Variants in RAD51 observed in about 807,000 individuals in gnomAD.
RAD51 encodes DNA repair protein RAD51 homolog 1.
In RAD51, 14 loss-of-function variants were observed where a neutral mutation model predicts 41.5. The ratio of observed to expected loss-of-function variants is 0.34; its 90% CI spans 0.22 to 0.53. The LOEUF is 0.53. RAD51 is among the 20% of genes least tolerant of loss of function. RAD51 has a pLI of 0.95. For synonymous variants in RAD51, 136 were observed against 148.6 expected, an observed-to-expected ratio of 0.92 and a Z score of 0.62; for missense variants, 234 against 422.0, an observed-to-expected ratio of 0.55 and a Z score of 3.90.
Position 40,731,216 on chromosome 15 carries a change from T to C in RAD51, c.*38T>C. On this transcript the variant is annotated 3_prime_UTR_variant, in exon 10 of 10. Coordinates refer to ENST00000267868, the MANE Select transcript of RAD51 (RefSeq NM_002875.5). The stretch of plus-strand genomic sequence containing the variant: ...TTCCTCTGTTAAAAACCTTAAGTGC[T>C]GCAGCCTAATGAGAGTGCACTGCTC... 1 of 1,613,384 alleles carries C rather than the reference T, an allele frequency of 6.2e-7. No homozygotes were observed. Among genetic ancestry groups the C allele is most frequent in the Non-Finnish European group, 8.5e-7 (1 of 1,179,544 alleles).
chr15:40,706,124 C>G (rs1895321519), intron 3 of RAD51, 53 bp from the exon 4 acceptor site: 1 of 1,365,048 alleles, frequency 7.3e-7, no homozygotes, highest in Non-Finnish European at 1.0e-6. Flanking sequence ...CCATCAAGAT[C>G]ACTGTGGTAA....
At chr15:40,699,991 C>T (rs1163842261) in intron 2 of RAD51, among the ~76,000 whole-genome samples, 1 of 152,038 alleles carries the variant, frequency 6.6e-6, no homozygotes, top group African/African-American at 2.4e-5. Flanking sequence ...AAAAAAAAGA[C>T]TCTAGAAGTT....
intron 5 of RAD51, among the ~76,000 whole-genome samples, chr15:40,716,763 C>T (rs1484660723): frequency 6.7e-6 from 1 of 150,144 alleles, no homozygotes; most frequent in Non-Finnish European, 1.5e-5. Context: ...CAGGTTCACG[C>T]CATTCTCCTG....
intron 3 of RAD51, among the ~76,000 whole-genome samples, chr15:40,704,029 G>C (rs961178856): frequency 8.6e-5 from 13 of 151,212 alleles, no homozygotes; most frequent in Non-Finnish European, 4.4e-5. Flanking sequence ...CAGCCTCCCA[G>C]GTAACTAGGA....
intron 3 of RAD51, among the ~76,000 whole-genome samples, chr15:40,702,902 C>T (rs1368984465): frequency 6.6e-6 from 1 of 151,820 alleles, no homozygotes; most frequent in Non-Finnish European, 1.5e-5. Flanking sequence ...AAGCTCACTG[C>T]AGCTTCAGCT....
chr15:40,711,431 G>T (rs1045136258), intron 5 of RAD51, among the ~76,000 whole-genome samples: 1 of 152,092 alleles, frequency 6.6e-6, no homozygotes, highest in Non-Finnish European at 1.5e-5. Context: ...GGCAGTGTTT[G>T]GCTCTCAGTA....
chr15:40,729,705 G>A, intron 8 of RAD51, 71 bp downstream of exon 8: 1 of 1,611,562 alleles, frequency 6.2e-7, no homozygotes, highest in East Asian at 2.2e-5. Flanking sequence ...TTGCTAGGAG[G>A]CTAAGACATC....
rs1596030327 is a variant in RAD51, at chr15:40,731,246, G to A, written c.*68G>A. ...CCTAATGAGAGTGCACTGCTCCCTG[G>A]GGTTCTCTACAGGCCTCTTCCTGTT... On this transcript the variant is annotated 3_prime_UTR_variant, in exon 10 of 10. Transcript: ENST00000267868. 6.2e-7 allele frequency: 1 copy of A among 1,602,910 alleles called. No individual in the cohort carries two copies. The highest frequency in any genetic ancestry group is 8.5e-7 in the Non-Finnish European group (1 of 1,170,926).
chr15:40,727,986 A>G (rs979179970), intron 6 of RAD51, among the ~76,000 whole-genome samples: 3 of 151,626 alleles, frequency 2.0e-5, no homozygotes, highest in African/African-American at 4.8e-5. Flanking sequence ...CAGCCTCCCA[A>G]GTAGCTGGGA....
In RAD51 at chr15:40,718,820, G is replaced by T. The variant is rs1247974770; in HGVS notation, c.451G>T (p.Gly151Cys). ...TTCTCTATAGCTTCCCATTGACCGG[G>T]GTGGAGGTGAAGGAAAGGCCATGTA... ...AVTCQLPIDR[G>C]GGEGKAMYID... is the part of the protein sequence containing the mutation. Residue 151 changes from glycine (G) to cysteine (C), a missense_variant, in exon 6 of 10, where the codon GGT becomes TGT. Gly to Cys is a radical substitution (Grantham distance 159). Transcript: ENST00000267868. 1.2e-6 allele frequency: 2 copies of T among 1,611,876 alleles called. No individual in the cohort carries two copies. Among genetic ancestry groups the T allele is most frequent in the Non-Finnish European group, 1.7e-6 (2 of 1,178,050 alleles).
At chr15:40,700,581 A>C (rs1894917585) in intron 2 of RAD51, among the ~76,000 whole-genome samples, 1 of 152,182 alleles carries the variant, frequency 6.6e-6, no homozygotes, top group African/African-American at 2.4e-5. Context: ...TTTTAATTCC[A>C]ATTGCTAATA....
intron 5 of RAD51, among the ~76,000 whole-genome samples, chr15:40,711,800 C>T (rs1232625586): frequency 6.6e-6 from 1 of 152,162 alleles, no homozygotes; most frequent in Non-Finnish European, 1.5e-5. Flanking sequence ...TCAAACTGGG[C>T]ATGATAGCTC....
At chr15:40,729,725 GATC>G (rs1289662320) in intron 8 of RAD51, 91 bp downstream of exon 8, 2 of 1,609,042 alleles carry the variant, frequency 1.2e-6, no homozygotes, top group Non-Finnish European at 1.7e-6. Context: ...CAGTGCCTGA[GATC>G]ATCAAGCTCT....
At position 40,731,408 on chromosome 15, in the gene RAD51, T is replaced by C; in HGVS notation, c.*230T>C. 1.8e-6 allele frequency: 1 copy of C among 543,840 alleles called. No individual in the cohort carries two copies. Among genetic ancestry groups the C allele is most frequent in the Non-Finnish European group, 3.2e-6 (1 of 311,454 alleles). The allele number at this position is 543,840 out of a possible 1,614,324, so 33.7% of individuals were successfully genotyped here. On this transcript the variant is annotated 3_prime_UTR_variant, in exon 10 of 10. Transcript: ENST00000267868. ...CTGTAGTGTATTAATCTCTGTGTGT[T>C]TTCTTTGGTTTTGGAGGAGGGGTAT...
intron 1 of RAD51, among the ~76,000 whole-genome samples, chr15:40,696,415 T>C (rs747433633): frequency 6.6e-6 from 1 of 151,930 alleles, no homozygotes; most frequent in African/African-American, 2.4e-5. Context: ...TCTCTACAAA[T>C]AGGAAAAATT....
chr15:40,713,024 A>T (rs1406990695), intron 5 of RAD51, among the ~76,000 whole-genome samples: 2 of 149,604 alleles, frequency 1.3e-5, no homozygotes, highest in African/African-American at 4.9e-5. Flanking sequence ...GATTACAGGC[A>T]TGACGGCCAC....
At chr15:40,727,243 T>C (rs376516506) in intron 6 of RAD51, among the ~76,000 whole-genome samples, 3 of 152,202 alleles carry the variant, frequency 2.0e-5, no homozygotes, top group Middle Eastern at 3.4e-3. Context: ...ATTACAAGCA[T>C]GAGCCACCGT....
intron 1 of RAD51, 130 bp from the exon 2 acceptor site, chr15:40,698,627 G>A: frequency 1.2e-6 from 1 of 813,360 alleles, no homozygotes; most frequent in Non-Finnish European, 2.1e-6. Flanking sequence ...GGAGAACAGA[G>A]AGGCACAATA....
chr15:40,731,044 C>CT lies in RAD51; in HGVS notation c.897-8dup. 1.2e-6 allele frequency: 2 copies of CT among 1,614,034 alleles called. No individual in the cohort carries two copies. Among genetic ancestry groups the CT allele is most frequent in the African/African-American group, 2.7e-5 (2 of 75,014 alleles). ...AATAAATTGGTGCTTTGGTCTGTGT[C>CT]TTTGGGTCAGATTGTATCTGAGGAA... On this transcript the variant is annotated splice_polypyrimidine_tract_variant and intron_variant, in intron 9 of 9. Transcript: ENST00000267868.
Sources: allele counts gnomAD v4.1 joint callset (sites outside exome capture counted in the v4.1 genomes callset), GRCh38; gene constraint gnomAD v4.1.1; transcripts MANE v1.5; gene names NCBI Gene and HGNC (gene_info 2026-07-23, HGNC 2026-07-21).